Variants in ZFY observed in about 807,000 individuals in gnomAD.
ZFY encodes the protein zinc finger Y-chromosomal protein.
For missense variants in ZFY, 113 were observed against 170.9 expected, an observed-to-expected ratio of 0.66 and a Z score of 1.89; for synonymous variants, 47 against 55.8, an observed-to-expected ratio of 0.84 and a Z score of 0.71.
chrY:2,949,421 C>T (rs2051271934), intron 1 of ZFY, among the ~76,000 whole-genome samples: 4 of 31,583 alleles, frequency 1.3e-4, no homozygotes, highest in South Asian at 7.1e-4. Context: ...GGGTGAGCCA[C>T]GGCACCCAAC....
In ZFY at chrY:2,980,787, A is replaced by G; in HGVS notation, c.*794A>G. On this transcript the variant is annotated 3_prime_UTR_variant, in exon 8 of 8. Transcript: ENST00000155093. ...TTTTTGAAACTTGGTGTGTAACTCT[A>G]AATCTTGTATATGCATCTTTGTTGC... is the stretch of plus-strand genomic sequence containing the variant. The G allele has an allele frequency of 3.0e-5, 1 of 33,514 alleles. No homozygotes were observed. Among genetic ancestry groups the G allele is most frequent in the Non-Finnish European group, 7.4e-5 (1 of 13,496 alleles). 8.4% of individuals were successfully genotyped at this position (33,514 alleles called of 400,897 possible).
At chrY:2,959,439 A>C (rs2051302301) in intron 2 of ZFY, among the ~76,000 whole-genome samples, 1 of 33,313 alleles carries the variant, frequency 3.0e-5, no homozygotes, top group African/African-American at 1.2e-4. Flanking sequence ...GACTTGGTCC[A>C]AGGTCACAAA....
intron 5 of ZFY, among the ~76,000 whole-genome samples, chrY:2,975,954 T>A (rs748981334): frequency 4.3e-3 from 140 of 32,770 alleles, no homozygotes; most frequent in Admixed American, 0.019. Context: ...TGTTCTTGTG[T>A]TAGTTTGCTG....
At chrY:2,935,975 A>ACGG (rs2051214357) in intron 1 of ZFY, among the ~76,000 whole-genome samples, 1 of 34,274 alleles carries the variant, frequency 2.9e-5, no homozygotes, top group South Asian at 6.3e-4. Flanking sequence ...GGGGAAAAGG[A>ACGG]CGGCGGCGGC....
At chrY:2,970,312 T>TA in intron 3 of ZFY, among the ~76,000 whole-genome samples, 2 of 32,757 alleles carry the variant, frequency 6.1e-5, no homozygotes, top group Non-Finnish European at 1.5e-4. Context: ...AGAAAATTGA[T>TA]ACCAATTTTC....
chrY:2,950,670 T>A (rs2051275950), intron 1 of ZFY, among the ~76,000 whole-genome samples: 1 of 33,602 alleles, frequency 3.0e-5, no homozygotes, highest in East Asian at 7.8e-4. Flanking sequence ...CAATAATCAG[T>A]CAAATGTGTT....
rs777804551 is a variant in ZFY, at chrY:2,938,663, C to T, written c.-29+2894C>T. On this transcript the variant is annotated intron_variant, in intron 1 of 7. Transcript: ENST00000155093. ...GTTGCTGTCAGCTCACTGCCACCTC[C>T]GCCTCCTGGGTTCAAGCGATTCTCC... is the stretch of plus-strand genomic sequence containing the variant. Among the ~76,000 whole-genome samples, 18 of 30,482 alleles carry T rather than the reference C, an allele frequency of 5.9e-4. No individual in the cohort carries two copies. In the South Asian group the frequency reaches 0.013, roughly 22 times the overall value. 81.8% of individuals were successfully genotyped at this position (30,482 alleles called of 37,273 possible).
intron 1 of ZFY, among the ~76,000 whole-genome samples, chrY:2,944,451 T>C: frequency 3.1e-5 from 1 of 32,049 alleles, no homozygotes; most frequent in Non-Finnish European, 7.6e-5. Context: ...TTAATTGCGT[T>C]AACAGAGTTT....
chrY:2,957,800 A>G (rs776718053), intron 2 of ZFY, among the ~76,000 whole-genome samples: 1 of 34,089 alleles, frequency 2.9e-5, no homozygotes, highest in South Asian at 6.4e-4. Context: ...TCAGAATTCT[A>G]TCATGGTGCA....
chrY:2,975,663 C>CT lies in ZFY; in HGVS notation c.928+14dup. The stretch of plus-strand genomic sequence containing the variant: ...AGAAGATGAAGATTTAAGTATGTGG[C>CT]TTTTTAAAAAAAAATTTTTACTTTA... On this transcript the variant is annotated intron_variant, in intron 5 of 7. Coordinates refer to ENST00000155093, the MANE Select transcript of ZFY (RefSeq NM_003411.4). 2.6e-6 allele frequency: 1 copy of CT among 388,986 alleles called. No homozygotes were observed. The highest frequency in any genetic ancestry group is 3.6e-6 in the Non-Finnish European group (1 of 279,179).
intron 2 of ZFY, among the ~76,000 whole-genome samples, chrY:2,954,333 C>T: frequency 3.1e-5 from 1 of 32,677 alleles, no homozygotes; most frequent in Non-Finnish European, 7.5e-5. Context: ...TCTCAGAGTT[C>T]TATAGGTCAG....
In ZFY at chrY:2,979,752, A is replaced by T; in HGVS notation, c.2165A>T (p.Lys722Met). Residue 722 changes from lysine (K) to methionine (M), a missense_variant, in exon 8 of 8, where the codon AAG (lysine) becomes ATG (methionine). Coordinates refer to ENST00000155093, the MANE Select transcript of ZFY (RefSeq NM_003411.4). ...DLPFRCKRCR[K>M]GFRQQNELKK... ...CCATTTAGGTGTAAGAGATGTAGAA[A>T]GGGATTTAGGCAACAAAATGAGCTT... The T allele has an allele frequency of 2.5e-6, 1 of 399,372 alleles. No homozygotes were observed. Among genetic ancestry groups the T allele is most frequent in the Non-Finnish European group, 3.5e-6 (1 of 283,764 alleles).
At chrY:2,943,542 T>G in intron 1 of ZFY, among the ~76,000 whole-genome samples, 1 of 33,711 alleles carries the variant, frequency 3.0e-5, no homozygotes, top group Non-Finnish European at 7.4e-5. Context: ...TGCCTCAGCC[T>G]CTCAAAGGCT....
chrY:2,949,307 A>G, intron 1 of ZFY, among the ~76,000 whole-genome samples: 2 of 30,664 alleles, frequency 6.5e-5, no homozygotes, highest in African/African-American at 2.6e-4. Context: ...TAATTTTTGT[A>G]TTGTTTGTAA....
chrY:2,945,790 A>G, intron 1 of ZFY, among the ~76,000 whole-genome samples: 1 of 33,327 alleles, frequency 3.0e-5, no homozygotes, highest in Non-Finnish European at 7.4e-5. Flanking sequence ...TAAATATTTT[A>G]CTTGTTACCC....
chrY:2,938,983 TTATATATATATATATATATA>T (rs765202788), intron 1 of ZFY, among the ~76,000 whole-genome samples: 7 of 5,227 alleles, frequency 1.3e-3, no homozygotes, highest in Admixed American at 3.4e-3. Context: ...CATACAGTGC[TTATATATATATATATATATA>T]TATATATATA....
At chrY:2,968,334 G>A (rs2051336178) in intron 3 of ZFY, among the ~76,000 whole-genome samples, 1 of 22,424 alleles carries the variant, frequency 4.5e-5, no homozygotes, top group Non-Finnish European at 9.9e-5. Context: ...TTTTTGAGAC[G>A]GAGTCTTGCT....
At chrY:2,951,472 G>A in intron 1 of ZFY, among the ~76,000 whole-genome samples, 1 of 33,215 alleles carries the variant, frequency 3.0e-5, no homozygotes, top group Non-Finnish European at 7.4e-5. Context: ...GTGATAATGG[G>A]AATACAAGCA....
chrY:2,979,434 T>A lies in ZFY; in HGVS notation c.1847T>A (p.Val616Glu). ...CLLTFSDTKEVQQHTLVHQES... is the reference protein window; with the variant it reads ...CLLTFSDTKEEQQHTLVHQES... ...CTGACTTTCTCAGATACCAAAGAAG[T>A]GCAGCAACATACTCTTGTCCACCAA... Residue 616 changes from valine (V) to glutamate (E), a missense_variant, in exon 8 of 8, where the codon GTG becomes GAG. Val to Glu is a moderately radical substitution (Grantham distance 121, BLOSUM62 -2). Transcript: ENST00000155093. 1 of 398,745 alleles carries A rather than the reference T, an allele frequency of 2.5e-6. No homozygotes were observed. Among genetic ancestry groups the A allele is most frequent in the Non-Finnish European group, 3.5e-6 (1 of 283,575 alleles).
Sources: gnomAD v4.1 joint callset for allele counts (sites outside exome capture counted in the v4.1 genomes callset) on GRCh38, gnomAD v4.1.1 for gene constraint, MANE v1.5 for transcripts, NCBI Gene and HGNC (gene_info 2026-07-23, HGNC 2026-07-21) for gene names.